CLPTM1L: variants seen among roughly 807,000 people sequenced by gnomAD.
The protein encoded by CLPTM1L is CLPTM1 like.
CLPTM1L carries 38 observed loss-of-function variants against 70.9 expected under a neutral mutation model. The observed-to-expected ratio is 0.54, with a 90% CI of 0.41 to 0.70. The LOEUF is 0.70. CLPTM1L is among the 30% of genes least tolerant of loss of function. The pLI, the probability that CLPTM1L is intolerant of heterozygous loss-of-function variation, is 0.00. For synonymous variants in CLPTM1L, 339 were observed against 299.9 expected (o/e 1.13, Z -1.35); for missense variants, 652 against 705.9 (o/e 0.92, Z 0.87).
intron 13 of CLPTM1L, among the ~76,000 whole-genome samples, chr5:1,322,159 G>A (rs943900033): frequency 6.6e-6 from 1 of 152,338 alleles, no homozygotes; most frequent in South Asian, 2.1e-4. Context: ...TGCCCCAGGG[G>A]TCAGGTGTGG....
rs34620990 is a variant in CLPTM1L at position 1,338,408 on chromosome 5, TGG to T, written c.600-428_600-427del. 296 of 256,404 alleles carry T rather than the reference TGG, an allele frequency of 1.2e-3. 3 individuals are homozygous for T. The highest frequency in any genetic ancestry group is 1.2e-3 in the African/African-American group (56 of 45,056). The allele number at this position is 256,404 out of a possible 1,614,324, so 15.9% of individuals were successfully genotyped here. The stretch of plus-strand genomic sequence containing the variant: ...GGAGGCGGAGCTGTGGCGCAGGAGT[TGG>T]GGGGGGGATCCCCAACACATGGGAG... On this transcript the variant is annotated intron_variant, in intron 4 of 16. Transcript: ENST00000320895.
At position 1,321,671 on chromosome 5, in the gene CLPTM1L, T is replaced by G; in HGVS notation, c.1380A>C (p.Ser460=). 2 of 1,613,972 alleles carry G rather than the reference T, an allele frequency of 1.2e-6. No homozygotes were observed. Among genetic ancestry groups the G allele is most frequent in the Non-Finnish European group, 1.7e-6 (2 of 1,180,014 alleles). ...AGGCCTTCCAGGGCAGATGTGCCACTGACTTCAACTGAAACAGGAGAGACA... is the reference window on the plus strand; with the variant it reads ...AGGCCTTCCAGGGCAGATGTGCCACGGACTTCAACTGAAACAGGAGAGACA... The part of the protein sequence containing the change: ...PQLFVNYKLK[S]VAHLPWKAFT... Residue 460 remains serine, a synonymous_variant, in exon 15 of 17, where the codon TCA becomes TCC. Transcript: ENST00000320895.
At chr5:1,320,832 G>A (rs2126717673) in intron 15 of CLPTM1L, 101 bp from the exon 16 acceptor site, 1 of 595,478 alleles carries the variant, frequency 1.7e-6, no homozygotes, top group Non-Finnish European at 3.0e-6. Context: ...GCAGATGCTT[G>A]GAACTAACTG....
chr5:1,318,348 T>G lies in CLPTM1L; in HGVS notation c.*21A>C. ...ATTGACAATTCAAGTTGCACTTGGC[T>G]GGCGGCAGCCCGGGCGGCCTTCAGT... is the stretch of plus-strand genomic sequence containing the variant. On this transcript the variant is annotated 3_prime_UTR_variant, in exon 17 of 17. Transcript: ENST00000320895. This position sits in a 1 kb window ranked among gnomAD's most constrained non-coding sequence, Gnocchi z 8.9. The G allele has an allele frequency of 6.2e-7, 1 of 1,605,116 alleles. No individual in the cohort carries two copies. The highest frequency in any genetic ancestry group is 1.7e-4 in the Middle Eastern group (1 of 6,036).
chr5:1,329,424 G>C (rs1044525901), intron 9 of CLPTM1L, among the ~76,000 whole-genome samples: 1 of 149,588 alleles, frequency 6.7e-6, no homozygotes, highest in Non-Finnish European at 1.5e-5. Context: ...TCAGGCCTCT[G>C]CTTGGTGGAC....
At chr5:1,339,415 G>A (rs970771767) in intron 3 of CLPTM1L, among the ~76,000 whole-genome samples, 4 of 137,528 alleles carry the variant, frequency 2.9e-5, no homozygotes, top group East Asian at 4.4e-4. Context: ...TGAAGAGAAC[G>A]GCCACACAGA....
At chr5:1,320,279 C>T (rs896055212) in intron 16 of CLPTM1L, 2 of 201,396 alleles carry the variant, frequency 9.9e-6, no homozygotes, top group African/African-American at 2.3e-5. Context: ...ATTAGCCATG[C>T]TACGGTCTCT....
At chr5:1,334,219 C>G (rs184381833) in intron 7 of CLPTM1L, 70 bp downstream of exon 7, 1 of 1,132,118 alleles carries the variant, frequency 8.8e-7, no homozygotes, top group Non-Finnish European at 1.3e-6. Flanking sequence ...GGTCCAGGAC[C>G]CCTGCAGGAG....
intron 7 of CLPTM1L, among the ~76,000 whole-genome samples, chr5:1,333,905 A>T (rs1049530142): frequency 4.9e-4 from 75 of 152,110 alleles, no homozygotes; most frequent in Non-Finnish European, 9.9e-4. Context: ...GAGGCTGCCC[A>T]GCTCCGCCCC....
rs1439283017 is a variant in CLPTM1L, at chr5:1,320,635, C to A, written c.1513G>T (p.Val505Phe). 1.3e-6 allele frequency: 2 copies of A among 1,543,616 alleles called. No individual in the cohort carries two copies. Among genetic ancestry groups the A allele is most frequent in the African/African-American group, 2.7e-5 (2 of 72,844 alleles). Residue 505 changes from valine (V) to phenylalanine (F), a missense_variant, in exon 16 of 17, where the codon GTC (valine) becomes TTC (phenylalanine). Around this residue, in one of 3 missense-constraint regions of CLPTM1L, gnomAD observed 240 missense variants for 295.0 expected, o/e 0.81. Transcript: ENST00000320895. ...ACFRDDVVFL[V>F]YLYQRWLYPV... is the part of the protein sequence containing the mutation. Reference sequence around the variant, plus strand: ...ACTCACCACCGCTGGTACAGGTAGACCAGAAACACCACGTCGTCCCGGAAG... The same window carrying A: ...ACTCACCACCGCTGGTACAGGTAGAACAGAAACACCACGTCGTCCCGGAAG...
At chr5:1,320,314 G>C (rs1241844339) in intron 16 of CLPTM1L, 1 of 301,088 alleles carries the variant, frequency 3.3e-6, no homozygotes, top group Non-Finnish European at 6.1e-6. Context: ...CAATGACTGT[G>C]AATAGGTAAA....
chr5:1,335,247 C>G, intron 5 of CLPTM1L, 73 bp from the exon 6 acceptor site: 2 of 1,176,532 alleles, frequency 1.7e-6, no homozygotes, highest in Non-Finnish European at 2.5e-6. Context: ...CCCTCGCCAA[C>G]CCTGCCATCC....
intron 2 of CLPTM1L, 138 bp downstream of exon 2, chr5:1,344,213 G>A (rs1385041529): frequency 1.5e-6 from 1 of 681,116 alleles, no homozygotes; most frequent in African/African-American, 1.8e-5. Context: ...CCTCCAGTTA[G>A]GATATTCTAC....
chr5:1,328,525 TGC>T (rs1752805240), intron 9 of CLPTM1L, among the ~76,000 whole-genome samples: 1 of 149,726 alleles, frequency 6.7e-6, no homozygotes, highest in Non-Finnish European at 1.5e-5. Flanking sequence ...GCTCCTCCTC[TGC>T]AGACACATTT....
At chr5:1,334,974 C>CG in intron 6 of CLPTM1L, 83 bp downstream of exon 6, 1 of 1,011,486 alleles carries the variant, frequency 9.9e-7, no homozygotes. Flanking sequence ...GAGGAGGCCC[C>CG]GGCCTGTGTC....
In CLPTM1L at chr5:1,342,904, T is replaced by G. The variant is rs535876539; in HGVS notation, c.264-1044A>C. Reference sequence around the variant, plus strand: ...GTGCCCGGCCTCTCCTTAAAAATCTTACGGTTGGCCGGGTGCGGCGGCTCA... The same window carrying G: ...GTGCCCGGCCTCTCCTTAAAAATCTGACGGTTGGCCGGGTGCGGCGGCTCA... On this transcript the variant is annotated intron_variant, in intron 2 of 16. Coordinates refer to ENST00000320895, the MANE Select transcript of CLPTM1L (RefSeq NM_030782.5). The surrounding 1 kb of genome is among the most constrained non-coding windows in gnomAD (Gnocchi z 4.3). Among the ~76,000 whole-genome samples the G allele has an allele frequency of 6.6e-6, 1 of 152,332 alleles. No individual in the cohort carries two copies. The highest frequency in any genetic ancestry group is 2.4e-5 in the African/African-American group (1 of 41,592).
rs1196994285 is a variant in CLPTM1L at position 1,342,686 on chromosome 5, CAA to C, written c.264-828_264-827del. Among the ~76,000 whole-genome samples, 1 of 152,238 alleles carries C rather than the reference CAA, an allele frequency of 6.6e-6. No homozygotes were observed. The highest frequency in any genetic ancestry group is 2.4e-5 in the African/African-American group (1 of 41,472). ...CACTGCATCCTCAACCTCCTGAGCT[CAA>C]GTGACCTCCCGCCTCAGTCTCCCGA... On this transcript the variant is annotated intron_variant, in intron 2 of 16. Coordinates refer to ENST00000320895, the MANE Select transcript of CLPTM1L (RefSeq NM_030782.5). This position sits in a 1 kb window ranked among gnomAD's most constrained non-coding sequence, Gnocchi z 4.3.
chr5:1,334,252 C>A (rs367734806), intron 7 of CLPTM1L, 37 bp downstream of exon 7: 1 of 1,543,582 alleles, frequency 6.5e-7, no homozygotes, highest in East Asian at 2.2e-5. Context: ...GGGAGCCCCC[C>A]AAGTGCCTGC....
chr5:1,334,048 G>C (rs569548487), intron 7 of CLPTM1L, among the ~76,000 whole-genome samples: 1 of 152,264 alleles, frequency 6.6e-6, no homozygotes, highest in East Asian at 1.9e-4. Context: ...CACAGCCCAA[G>C]TCGCCAAGGC....
Sources: allele counts gnomAD v4.1 joint callset (sites outside exome capture counted in the v4.1 genomes callset), GRCh38; gene constraint gnomAD v4.1.1; regional missense constraint gnomAD v4.1.1; non-coding constraint Gnocchi (gnomAD v3.1); transcripts MANE v1.5; gene names NCBI Gene and HGNC (gene_info 2026-07-23, HGNC 2026-07-21).